AGBL1: variants seen among roughly 807,000 people sequenced by gnomAD.
AGBL1 encodes AGBL carboxypeptidase 1, also known as cytosolic carboxypeptidase 4.
A neutral mutation model predicts 118.9 loss-of-function variants in AGBL1; 130 were observed. That is an observed-to-expected ratio of 1.09 (90% CI 0.95 to 1.26). The LOEUF (loss-of-function observed/expected upper bound fraction) is 1.26, where lower values mean the gene tolerates loss of function less well. AGBL1 is among the 50% of genes most tolerant of loss of function. The pLI is 0.00. For synonymous variants in AGBL1, 555 were observed against 478.9 expected (o/e 1.16, Z -2.08); for missense variants, 1,584 against 1,298.1 (o/e 1.22, Z -3.38).
intron 23 of AGBL1, among the ~76,000 whole-genome samples, chr15:86,975,246 A>G (rs554560994): frequency 3.3e-5 from 5 of 152,200 alleles, no homozygotes; most frequent in East Asian, 3.9e-4. Context: ...ACTGTTCCAC[A>G]TGGCTGGGGA....
At chr15:86,187,247 C>T (rs897736043) in intron 5 of AGBL1, among the ~76,000 whole-genome samples, 4 of 152,124 alleles carry the variant, frequency 2.6e-5, no homozygotes, top group Admixed American at 1.3e-4. Context: ...GATTTCTTTA[C>T]GAGGTTTTTT....
chr15:86,524,283 C>T (rs772951631), intron 19 of AGBL1, among the ~76,000 whole-genome samples: 31 of 152,212 alleles, frequency 2.0e-4, no homozygotes, highest in Admixed American at 2.6e-4. Flanking sequence ...CATGACTATC[C>T]GCAGGCTCAG....
intron 22 of AGBL1, among the ~76,000 whole-genome samples, chr15:86,711,416 C>T (rs2086553587): frequency 6.6e-6 from 1 of 152,186 alleles, no homozygotes; most frequent in Non-Finnish European, 1.5e-5. Context: ...GACATCTGTT[C>T]TAATTCTCTG....
intron 22 of AGBL1, among the ~76,000 whole-genome samples, chr15:86,755,823 A>T (rs534838363): frequency 3.9e-5 from 6 of 152,256 alleles, no homozygotes; most frequent in African/African-American, 1.4e-4. Flanking sequence ...AGCACAGGAC[A>T]TCTTGCTTCA....
At chr15:86,304,785 A>G (rs1799173431) in intron 17 of AGBL1, 1 of 152,216 alleles carries the variant, frequency 6.6e-6, no homozygotes, top group Admixed American at 6.6e-5. Context: ...TTCTCTTGGT[A>G]GTTGTTTGTT....
chr15:87,008,644 C>G lies in AGBL1; in HGVS notation c.3324-20181C>G, dbSNP rs577903992. Among the ~76,000 whole-genome samples, 7 of 152,182 alleles carry G rather than the reference C, an allele frequency of 4.6e-5. No homozygotes were observed. The South Asian group carries it at 1.5e-3, about 32-fold the overall frequency. On this transcript the variant is annotated intron_variant, in intron 24 of 24. Coordinates refer to the AGBL1 transcript ENST00000441037. ...ACAGTTTGAAGGGCTCAGAAGAGGA[C>G]AGGAAAATGTGGAAAAGTTTGAAAC...
chr15:86,928,773 T>C lies in AGBL1; in HGVS notation c.3222-59214T>C, dbSNP rs371992271. ...AGCATTTCATTTGAATGAATGAAAG[T>C]AATTAAGTTGTCTCTCATATTTTAC... On this transcript the variant is annotated intron_variant, in intron 23 of 24. Coordinates refer to the AGBL1 transcript ENST00000441037. 2.3e-4 allele frequency among the ~76,000 whole-genome samples: 35 copies of C among 152,330 alleles called. 2 individuals are homozygous for C. The East Asian group carries it at 6.4e-3, about 28-fold the overall frequency.
intron 21 of AGBL1, among the ~76,000 whole-genome samples, chr15:86,616,351 A>T (rs909165774): frequency 8.5e-5 from 12 of 141,938 alleles, no homozygotes; most frequent in South Asian, 4.4e-4. Context: ...AAAAAAAAAA[A>T]AAAAAAAAAA....
intron 21 of AGBL1, among the ~76,000 whole-genome samples, chr15:86,656,865 A>G (rs888151886): frequency 2.0e-5 from 3 of 152,154 alleles, no homozygotes; most frequent in Non-Finnish European, 2.9e-5. Context: ...AAGGAATTCC[A>G]CATCTCCACT....
At chr15:86,261,539 C>T (rs1171446091) in intron 9 of AGBL1, among the ~76,000 whole-genome samples, 1 of 152,196 alleles carries the variant, frequency 6.6e-6, no homozygotes, top group South Asian at 2.1e-4. Context: ...TTATTTTCCA[C>T]GTTTATTGGA....
At position 87,016,361 on chromosome 15, in the gene AGBL1, G is replaced by T. The variant is rs527605306; in HGVS notation, c.3324-12464G>T. Among the ~76,000 whole-genome samples, 65 of 152,318 alleles carry T rather than the reference G, an allele frequency of 4.3e-4. 1 individual carries two copies. The highest frequency in any genetic ancestry group is 1.5e-3 in the African/African-American group (62 of 41,574). ...CAATGGACTCAGCCTGGAGGAGTTA[G>T]AGATGGTCTCTCAGACAAAGGGACA... On this transcript the variant is annotated intron_variant, in intron 24 of 24. Transcript: ENST00000441037.
intron 21 of AGBL1, among the ~76,000 whole-genome samples, chr15:86,631,611 C>T (rs1049467804): frequency 2.0e-5 from 3 of 152,182 alleles, no homozygotes; most frequent in Non-Finnish European, 4.4e-5. Context: ...CATCCTTTCT[C>T]ATGAGATGTA....
intron 23 of AGBL1, among the ~76,000 whole-genome samples, chr15:86,950,236 A>C (rs577867422): frequency 6.6e-6 from 1 of 151,898 alleles, no homozygotes; most frequent in Admixed American, 6.6e-5. Context: ...CAAGAAGCTA[A>C]GGAAAGAATA....
At chr15:86,645,739 C>A (rs191904322) in intron 21 of AGBL1, among the ~76,000 whole-genome samples, 1 of 152,270 alleles carries the variant, frequency 6.6e-6, no homozygotes, top group African/African-American at 2.4e-5. Context: ...AGTACTCAGT[C>A]CAAGTTCACA....
chr15:86,521,641 T>A (rs1418774901), intron 18 of AGBL1, among the ~76,000 whole-genome samples: 1 of 152,116 alleles, frequency 6.6e-6, no homozygotes, highest in African/African-American at 2.4e-5. Context: ...TACATGAAGA[T>A]GGAGGAGCCC....
At chr15:86,684,351 GA>G (rs2086014593) in intron 22 of AGBL1, among the ~76,000 whole-genome samples, 1 of 152,032 alleles carries the variant, frequency 6.6e-6, no homozygotes. Flanking sequence ...AGGAAGTAAA[GA>G]ACCCTGGCTA....
At chr15:86,958,171 C>T (rs1279063489) in intron 23 of AGBL1, among the ~76,000 whole-genome samples, 1 of 149,498 alleles carries the variant, frequency 6.7e-6, no homozygotes, top group Non-Finnish European at 1.5e-5. Flanking sequence ...TGCCACTGCA[C>T]TCCAGCCTGG....
intron 24 of AGBL1, among the ~76,000 whole-genome samples, chr15:87,014,174 A>C (rs1161749645): frequency 2.6e-5 from 4 of 152,166 alleles, no homozygotes; most frequent in East Asian, 1.9e-4. Flanking sequence ...AGAAAGTCTT[A>C]AGTTTTATTT....
chr15:86,944,958 T>C (rs2080800506), intron 23 of AGBL1, among the ~76,000 whole-genome samples: 1 of 152,162 alleles, frequency 6.6e-6, no homozygotes, highest in Non-Finnish European at 1.5e-5. Context: ...TCAGAATGTA[T>C]GGTCATCGTG....
Sources: gnomAD v4.1 joint callset for allele counts (sites outside exome capture counted in the v4.1 genomes callset) on GRCh38, gnomAD v4.1.1 for gene constraint, MANE v1.5 for transcripts, NCBI Gene and HGNC (gene_info 2026-07-23, HGNC 2026-07-21) for gene names.